NR3C1: variants seen among roughly 807,000 people sequenced by gnomAD.
The protein encoded by NR3C1 is glucocorticoid receptor.
A neutral mutation model predicts 74.0 loss-of-function variants in NR3C1; 14 were observed. The ratio of observed to expected loss-of-function variants is 0.19; its 90% CI spans 0.12 to 0.30. The LOEUF (loss-of-function observed/expected upper bound fraction) is 0.30. Among genes scored for constraint, NR3C1 ranks in the 10% least tolerant of loss-of-function variants. NR3C1 has a pLI of 1.00. For synonymous variants in NR3C1, 308 were observed against 332.5 expected (o/e 0.93, Z 0.80); for missense variants, 695 against 909.8 (o/e 0.76, Z 3.04).
intron 7 of NR3C1, among the ~76,000 whole-genome samples, chr5:143,291,500 C>CACTCCCAA (rs1561482602): frequency 2.5e-5 from 3 of 118,650 alleles, no homozygotes; most frequent in African/African-American, 5.7e-5. Context: ...TTGGGATTAC[C>CACTCCCAA]GGTGTGAGCC....
At chr5:143,346,866 T>C (rs1207682366) in intron 2 of NR3C1, among the ~76,000 whole-genome samples, 3 of 152,194 alleles carry the variant, frequency 2.0e-5, no homozygotes, top group Admixed American at 2.0e-4. Context: ...TCAAATAAGA[T>C]TCTTTTATAA....
rs997163185 is a variant in NR3C1, at chr5:143,278,747, G to C, written c.*3142C>G. Reference sequence around the variant, plus strand: ...ATGTAGTTTTCAGGGTTTTTAAAAGGGAACTAAAATTATGAGACTTAGGTG... The same window carrying C: ...ATGTAGTTTTCAGGGTTTTTAAAAGCGAACTAAAATTATGAGACTTAGGTG... On this transcript the variant is annotated 3_prime_UTR_variant, in exon 9 of 9. Transcript: ENST00000394464. The C allele has an allele frequency of 6.6e-6, 1 of 152,012 alleles. No individual in the cohort carries two copies. The highest frequency in any genetic ancestry group is 2.4e-5 in the African/African-American group (1 of 41,370). The allele number at this position is 152,012 out of a possible 1,614,324, so 9.4% of individuals were successfully genotyped here.
intron 2 of NR3C1, among the ~76,000 whole-genome samples, chr5:143,351,725 A>T (rs1188397408): frequency 2.0e-5 from 3 of 152,210 alleles, no homozygotes; most frequent in Admixed American, 2.0e-4. Flanking sequence ...TTCTCAGCTA[A>T]GTAAAATGAC....
intron 4 of NR3C1, among the ~76,000 whole-genome samples, chr5:143,301,990 T>C (rs1358062270): frequency 6.6e-6 from 1 of 152,088 alleles, no homozygotes; most frequent in Non-Finnish European, 1.5e-5. Flanking sequence ...AGAATCATGA[T>C]AGAACCATGC....
intron 2 of NR3C1, among the ~76,000 whole-genome samples, chr5:143,340,180 A>T (rs935396328): frequency 6.6e-6 from 1 of 152,200 alleles, no homozygotes; most frequent in Admixed American, 6.5e-5. Flanking sequence ...TGCTGAAAGG[A>T]ACTAAAGATC....
Position 143,295,548 on chromosome 5 carries a change from G to A in NR3C1, c.1935C>T (p.His645=), listed in dbSNP as rs752940584. 22 of 1,613,246 alleles carry A rather than the reference G, an allele frequency of 1.4e-5. No individual in the cohort carries two copies. In the South Asian group the frequency reaches 2.0e-4, roughly 14 times the overall value. ...TLPCMYDQCK[H]MLYVSSELHR... is the part of the protein sequence containing the mutation. Reference sequence around the variant, plus strand: ...GTAACTCAGAGGAAACATACAGCATGTGTTTACATTGGTCGTACATGCAGG... The same window carrying A: ...GTAACTCAGAGGAAACATACAGCATATGTTTACATTGGTCGTACATGCAGG... Residue 645 remains histidine (H), a synonymous_variant, in exon 7 of 9, where the codon CAC becomes CAT. Coordinates refer to ENST00000394464, the MANE Select transcript of NR3C1 (RefSeq NM_000176.3).
chr5:143,333,625 G>C (rs1202727167), intron 2 of NR3C1, among the ~76,000 whole-genome samples: 2 of 152,104 alleles, frequency 1.3e-5, no homozygotes, highest in Admixed American at 6.5e-5. Flanking sequence ...AAAATGAGCT[G>C]GGTGTGGTGG....
chr5:143,303,632 C>T (rs1474942619), intron 4 of NR3C1, among the ~76,000 whole-genome samples: 1 of 151,840 alleles, frequency 6.6e-6, no homozygotes, highest in Non-Finnish European at 1.5e-5. Context: ...ACAACAACAA[C>T]AACAAAACTA....
At chr5:143,430,242 C>A (rs568275908) in intron 1 of NR3C1, among the ~76,000 whole-genome samples, 2 of 152,004 alleles carry the variant, frequency 1.3e-5, no homozygotes, top group African/African-American at 4.8e-5. Context: ...TTTAAAATAT[C>A]TTTATGAATT....
At chr5:143,312,267 G>A (rs1398909878) in intron 3 of NR3C1, among the ~76,000 whole-genome samples, 6 of 152,084 alleles carry the variant, frequency 3.9e-5, no homozygotes, top group African/African-American at 7.2e-5. Flanking sequence ...ACCAAGATTG[G>A]TCTGTGTGGC....
At chr5:143,369,159 G>C (rs918726641) in intron 2 of NR3C1, among the ~76,000 whole-genome samples, 12 of 152,140 alleles carry the variant, frequency 7.9e-5, no homozygotes, top group African/African-American at 2.9e-4. Flanking sequence ...ACAAACATTC[G>C]AACCACAGCA....
chr5:143,395,761 C>T (rs900430478), intron 2 of NR3C1, among the ~76,000 whole-genome samples: 2 of 151,840 alleles, frequency 1.3e-5, no homozygotes, highest in African/African-American at 2.4e-5. Flanking sequence ...CTGTTTCAGT[C>T]ACCTGCAGGC....
chr5:143,402,216 T>C (rs900625614), intron 1 of NR3C1, among the ~76,000 whole-genome samples: 5 of 152,172 alleles, frequency 3.3e-5, no homozygotes, highest in Non-Finnish European at 7.4e-5. Flanking sequence ...GCCCAATGAA[T>C]TTCCATGCCG....
intron 2 of NR3C1, among the ~76,000 whole-genome samples, chr5:143,318,919 A>C (rs1348177406): frequency 6.6e-6 from 1 of 152,222 alleles, no homozygotes; most frequent in African/African-American, 2.4e-5. Context: ...TTTTAAGTGC[A>C]TGACAGTGAA....
At chr5:143,405,099 C>T, upstream of NR3C1, 4 of 985,112 alleles carry the variant, frequency 4.1e-6, no homozygotes, top group South Asian at 4.7e-5. Flanking sequence ...CTCCCTTCCC[C>T]AGCTCGCCGC....
At chr5:143,373,460 C>CG (rs1200563334) in intron 2 of NR3C1, among the ~76,000 whole-genome samples, 1 of 100,528 alleles carries the variant, frequency 9.9e-6, no homozygotes, top group Non-Finnish European at 1.9e-5. Context: ...CTACATTTAT[C>CG]GGGGGGTGGG....
At chr5:143,393,810 T>C (rs1446413693) in intron 2 of NR3C1, among the ~76,000 whole-genome samples, 1 of 152,056 alleles carries the variant, frequency 6.6e-6, no homozygotes, top group Non-Finnish European at 1.5e-5. Flanking sequence ...AAATATACTT[T>C]CATAATAGCC....
At chr5:143,392,479 T>C (rs1463722403) in intron 2 of NR3C1, among the ~76,000 whole-genome samples, 1 of 152,124 alleles carries the variant, frequency 6.6e-6, no homozygotes, top group Non-Finnish European at 1.5e-5. Context: ...ACATACCCAA[T>C]ATTAAATATT....
intron 2 of NR3C1, among the ~76,000 whole-genome samples, chr5:143,359,062 T>A (rs139043692): frequency 0.011 from 1,713 of 152,272 alleles, 13 homozygotes; most frequent in Non-Finnish European, 0.017. Flanking sequence ...ATAAAACCAA[T>A]ACAACTGAAA....
Sources: gnomAD v4.1 joint callset for allele counts (sites outside exome capture counted in the v4.1 genomes callset) on GRCh38, gnomAD v4.1.1 for gene constraint, MANE v1.5 for transcripts, NCBI Gene and HGNC (gene_info 2026-07-23, HGNC 2026-07-21) for gene names.